COL9A2: variants seen among roughly 807,000 people sequenced by gnomAD.
COL9A2 encodes collagen type IX alpha 2 chain.
Under a neutral mutation model 111.6 loss-of-function variants are expected in COL9A2, and 66 were observed. That is an observed-to-expected ratio of 0.59 (90% CI 0.48 to 0.73). The LOEUF (loss-of-function observed/expected upper bound fraction) is 0.73, where lower values mean the gene tolerates loss of function less well. Among genes scored for constraint, COL9A2 ranks in the 30% least tolerant of loss-of-function variants. The pLI, the probability that COL9A2 is intolerant of heterozygous loss-of-function variation, is 0.00. For missense variants in COL9A2, 881 were observed against 954.1 expected (o/e 0.92, Z 1.01); for synonymous variants, 353 against 364.1 (o/e 0.97, Z 0.35).
chr1:40,316,986 C>A lies in COL9A2; in HGVS notation c.75+137G>T, dbSNP rs1343735832. The A allele has an allele frequency of 1.2e-6, 1 of 848,612 alleles. No individual in the cohort carries two copies. Among genetic ancestry groups the A allele is most frequent in the African/African-American group, 1.7e-5 (1 of 59,492 alleles). The allele number at this position is 848,612 out of a possible 1,614,324, so 52.6% of individuals were successfully genotyped here. ...ACCATGTATGCACCCACCGAGGGGA[C>A]CTGCCCGCGGCGCTGTCCTCAGGTG... On this transcript the variant is annotated intron_variant, in intron 1 of 31. Transcript: ENST00000372748. This position sits in a 1 kb window ranked among gnomAD's most constrained non-coding sequence, Gnocchi z 5.5.
chr1:40,314,423 G>C lies in COL9A2; in HGVS notation c.151-36C>G, dbSNP rs1644183162. 1 of 1,613,866 alleles carries C rather than the reference G, an allele frequency of 6.2e-7. No homozygotes were observed. Among genetic ancestry groups the C allele is most frequent in the African/African-American group, 1.3e-5 (1 of 75,028 alleles). On this transcript the variant is annotated intron_variant, in intron 2 of 31. Transcript: ENST00000372748. This position sits in a 1 kb window ranked among gnomAD's most constrained non-coding sequence, Gnocchi z 4.1. ...CAAGTTGGTGAGACAGCACACTACG[G>C]CTCACACTACCCCAAGTGGGCACAC...
intron 1 of COL9A2, 70 bp from the exon 2 acceptor site, chr1:40,315,734 G>A (rs1644209277): frequency 2.6e-6 from 3 of 1,155,558 alleles, no homozygotes; most frequent in Middle Eastern, 2.1e-4. Flanking sequence ...GGGGCTGCAA[G>A]CGACCCTGGG....
Position 40,314,078 on chromosome 1 carries a change from G to T in COL9A2, c.249+127C>A. The T allele has an allele frequency of 9.7e-7, 1 of 1,030,386 alleles. No individual in the cohort carries two copies. The highest frequency in any genetic ancestry group is 1.7e-5 in the Admixed American group (1 of 59,144). The allele number at this position is 1,030,386 out of a possible 1,614,324, so 63.8% of individuals were successfully genotyped here. On this transcript the variant is annotated intron_variant, in intron 4 of 31. Transcript: ENST00000372748. This position sits in a 1 kb window ranked among gnomAD's most constrained non-coding sequence, Gnocchi z 4.1. ...TCACAAGTCATATCAAGGTGAGGGG[G>T]GCTCACAGCTGGAGAATCTCCATCC...
chr1:40,311,315 G>A lies in COL9A2; in HGVS notation c.520-29C>T. On this transcript the variant is annotated intron_variant, in intron 10 of 31. Transcript: ENST00000372748. This position sits in a 1 kb window ranked among gnomAD's most constrained non-coding sequence, Gnocchi z 5.1. ...GAAACAGAAAATCCCACAGGGTCCT[G>A]TGATCAGCTGGGCAGTGCGCCCCCA... 6.2e-7 allele frequency: 1 copy of A among 1,611,056 alleles called. No homozygotes were observed. The highest frequency in any genetic ancestry group is 8.5e-7 in the Non-Finnish European group (1 of 1,178,570).
Position 40,317,156 on chromosome 1 carries a change from G to GAGA in COL9A2, c.39_41dup (p.Leu15dup). On this transcript the variant is annotated inframe_insertion, in exon 1 of 32. Transcript: ENST00000372748. This position sits in a 1 kb window ranked among gnomAD's most constrained non-coding sequence, Gnocchi z 4.3. ...CCAGAGCGAGCACTACCACCTGGAG[G>GAGA]AGAACAAGGAGGCTGCGGGGGGAGG... 1 of 1,588,946 alleles carries GAGA rather than the reference G, an allele frequency of 6.3e-7. No homozygotes were observed. Among genetic ancestry groups the GAGA allele is most frequent in the Non-Finnish European group, 8.6e-7 (1 of 1,167,910 alleles).
In COL9A2 at chr1:40,302,504, G is replaced by A; in HGVS notation, c.1792+117C>T. 1 of 1,160,112 alleles carries A rather than the reference G, an allele frequency of 8.6e-7. No homozygotes were observed. Among genetic ancestry groups the A allele is most frequent in the Non-Finnish European group, 1.2e-6 (1 of 806,522 alleles). 71.9% of individuals were successfully genotyped at this position (1,160,112 alleles called of 1,614,324 possible). On this transcript the variant is annotated intron_variant, in intron 30 of 31. Transcript: ENST00000372748. The surrounding 1 kb of genome is among the most constrained non-coding windows in gnomAD (Gnocchi z 4.5). The stretch of plus-strand genomic sequence containing the variant: ...AGCCCAGGAGTGTCTCCTGGACCAT[G>A]TGGCTGAGGAACCGGGGAAGGGTCT...
chr1:40,307,535 G>T lies in COL9A2; in HGVS notation c.955-36C>A. 6.2e-7 allele frequency: 1 copy of T among 1,612,774 alleles called. No homozygotes were observed. The highest frequency in any genetic ancestry group is 8.5e-7 in the Non-Finnish European group (1 of 1,179,002). ...CAGATAACCAAAGATACAAATTAAAGCTCCAGCCAGAGGGCCATGGCTTCT... is the reference window on the plus strand; with the variant it reads ...CAGATAACCAAAGATACAAATTAAATCTCCAGCCAGAGGGCCATGGCTTCT... On this transcript the variant is annotated intron_variant, in intron 18 of 31. Coordinates refer to ENST00000372748, the MANE Select transcript of COL9A2 (RefSeq NM_001852.4). This position sits in a 1 kb window ranked among gnomAD's most constrained non-coding sequence, Gnocchi z 4.8.
intron 17 of COL9A2, 88 bp downstream of exon 17, chr1:40,308,104 T>C (rs1223368818): frequency 8.3e-6 from 11 of 1,330,652 alleles, no homozygotes; most frequent in Non-Finnish European, 1.2e-5. Flanking sequence ...GAGTTCAGAC[T>C]AGCATCCCAG....
At position 40,311,129 on chromosome 1, in the gene COL9A2, G is replaced by A. The variant is rs368775817; in HGVS notation, c.594C>T (p.Arg198=). 1.1e-5 allele frequency: 17 copies of A among 1,614,056 alleles called. No homozygotes were observed. The highest frequency in any genetic ancestry group is 8.9e-5 in the East Asian group (4 of 44,894). ...GGTGGCCAGGATCACCCAGAATCCC[G>A]CGTTTGCCCGCATGCCCCTGAAGGG... is the stretch of plus-strand genomic sequence containing the variant. ...LQGVKGHAGK[R]GILGDPGHQG... Residue 198 remains arginine (R), a synonymous_variant, in exon 12 of 32, where the codon CGC becomes CGT. Transcript: ENST00000372748. This position sits in a 1 kb window ranked among gnomAD's most constrained non-coding sequence, Gnocchi z 5.1.
At position 40,316,661 on chromosome 1, in the gene COL9A2, G is replaced by A. The variant is rs1644224017; in HGVS notation, c.75+462C>T. ...CAGTCTCTGCCCTACCCGCGCGCCC[G>A]CAGCCCCCGGCGGCCCTCGGAAGGG... On this transcript the variant is annotated intron_variant, in intron 1 of 31. Transcript: ENST00000372748. This position sits in a 1 kb window ranked among gnomAD's most constrained non-coding sequence, Gnocchi z 5.5. 4.6e-6 allele frequency: 2 copies of A among 436,426 alleles called. No individual in the cohort carries two copies. Among genetic ancestry groups the A allele is most frequent in the Non-Finnish European group, 9.1e-6 (2 of 218,762 alleles). 27.0% of individuals were successfully genotyped at this position (436,426 alleles called of 1,614,324 possible).
intron 24 of COL9A2, 88 bp from the exon 25 acceptor site, chr1:40,304,187 C>T (rs1410750583): frequency 1.3e-6 from 2 of 1,515,058 alleles, no homozygotes; most frequent in African/African-American, 1.4e-5. Flanking sequence ...CTCTTTCCAA[C>T]TCCGCCTCGC....
chr1:40,317,049 A>T lies in COL9A2; in HGVS notation c.75+74T>A. On this transcript the variant is annotated intron_variant, in intron 1 of 31. Coordinates refer to ENST00000372748, the MANE Select transcript of COL9A2 (RefSeq NM_001852.4). This position sits in a 1 kb window ranked among gnomAD's most constrained non-coding sequence, Gnocchi z 4.3. ...AGGGGTGTCAGTAGGCGCGGGACAC[A>T]GGCAGAGCTCCTCCATCCCGGACTC... 1 of 1,440,670 alleles carries T rather than the reference A, an allele frequency of 6.9e-7. No individual in the cohort carries two copies. Among genetic ancestry groups the T allele is most frequent in the Non-Finnish European group, 9.6e-7 (1 of 1,046,368 alleles). The allele number at this position is 1,440,670 out of a possible 1,614,324, so 89.2% of individuals were successfully genotyped here.
In COL9A2 at chr1:40,303,515, C is replaced by T. The variant is rs1485842288; in HGVS notation, c.1548+15G>A. ...TACCTAGAAGAAGCACCTCCTACCC[C>T]GGGGCCCGACTCACCTCCACGCCCT... On this transcript the variant is annotated intron_variant, in intron 28 of 31. Coordinates refer to ENST00000372748, the MANE Select transcript of COL9A2 (RefSeq NM_001852.4). The surrounding 1 kb of genome is among the most constrained non-coding windows in gnomAD (Gnocchi z 4.6). 6.2e-7 allele frequency: 1 copy of T among 1,612,804 alleles called. No homozygotes were observed. Among genetic ancestry groups the T allele is most frequent in the Non-Finnish European group, 8.5e-7 (1 of 1,179,856 alleles).
At chr1:40,301,992 G>C in intron 30 of COL9A2, 103 bp from the exon 31 acceptor site, 1 of 1,199,100 alleles carries the variant, frequency 8.3e-7, no homozygotes, top group East Asian at 2.5e-5. Flanking sequence ...TTTTGTGCTA[G>C]TTTGTAATAG....
intron 2 of COL9A2, chr1:40,315,255 T>G: frequency 1.8e-6 from 2 of 1,132,664 alleles, no homozygotes; most frequent in African/African-American, 1.6e-5. Flanking sequence ...AGCGTCCAGA[T>G]GTGCCAGAGG....
chr1:40,315,739 C>T (rs1021951356), intron 1 of COL9A2, 75 bp from the exon 2 acceptor site: 4 of 1,111,732 alleles, frequency 3.6e-6, no homozygotes, highest in African/African-American at 1.6e-5. Flanking sequence ...TGCAAGCGAC[C>T]CTGGGAGCGG....
Position 40,316,260 on chromosome 1 carries a change from G to A in COL9A2, c.76-596C>T, listed in dbSNP as rs1383362538. Among the ~76,000 whole-genome samples the A allele has an allele frequency of 2.0e-5, 3 of 152,172 alleles. No individual in the cohort carries two copies. Among genetic ancestry groups the A allele is most frequent in the African/African-American group, 4.8e-5 (2 of 41,442 alleles). ...CGGGTACTATCTTCCCACTCGGAGC[G>A]CCCCTTCGGCAGCACAGCTGCCCGG... is the stretch of plus-strand genomic sequence containing the variant. On this transcript the variant is annotated intron_variant, in intron 1 of 31. Coordinates refer to ENST00000372748, the MANE Select transcript of COL9A2 (RefSeq NM_001852.4). The surrounding 1 kb of genome is among the most constrained non-coding windows in gnomAD (Gnocchi z 5.5).
At position 40,302,684 on chromosome 1, in the gene COL9A2, C is replaced by T; in HGVS notation, c.1729G>A (p.Gly577Ser). The change falls in exon 30 of 32, where the codon GGC becomes AGC. Residue 577 changes from glycine (G) to serine (S), a missense_variant. Gly to Ser is a moderately conservative substitution (Grantham distance 56, BLOSUM62 0). Coordinates refer to ENST00000372748, the MANE Select transcript of COL9A2 (RefSeq NM_001852.4). This position sits in a 1 kb window ranked among gnomAD's most constrained non-coding sequence, Gnocchi z 4.5. ...PGKQGPHGHPGPRGVPGIVGA... is the reference protein window; with the variant it reads ...PGKQGPHGHPSPRGVPGIVGA... ...ACGATGCCAGGAACGCCCCGAGGGC[C>T]AGGGTGCCCATGGGGGCCCTGCTTG... 6.3e-7 allele frequency: 1 copy of T among 1,596,062 alleles called. No homozygotes were observed. Among genetic ancestry groups the T allele is most frequent in the Non-Finnish European group, 8.5e-7 (1 of 1,172,742 alleles).
At chr1:40,304,260 G>T in intron 24 of COL9A2, 60 bp downstream of exon 24, 2 of 1,541,022 alleles carry the variant, frequency 1.3e-6, no homozygotes, top group Non-Finnish European at 1.8e-6. Context: ...GAGTCCTGCC[G>T]ACCCCACTCC....
Sources: allele counts gnomAD v4.1 joint callset (sites outside exome capture counted in the v4.1 genomes callset), GRCh38; gene constraint gnomAD v4.1.1; non-coding constraint Gnocchi (gnomAD v3.1); transcripts MANE v1.5; gene names NCBI Gene and HGNC (gene_info 2026-07-23, HGNC 2026-07-21).